Variants in CNTNAP5 observed in about 807,000 individuals in gnomAD.
CNTNAP5 encodes the protein contactin associated protein family member 5.
In CNTNAP5, 72 loss-of-function variants were observed where a neutral mutation model predicts 150.2. The ratio of observed to expected loss-of-function variants is 0.48; its 90% CI spans 0.40 to 0.58. The LOEUF (loss-of-function observed/expected upper bound fraction) is 0.58, where lower values mean the gene tolerates loss of function less well. Ranked by LOEUF, CNTNAP5 falls within the 20% of genes least tolerant of loss-of-function variation. The probability of loss-of-function intolerance (pLI) is 0.00; values close to 1 mark genes in which losing one functional copy is unlikely to be tolerated. For synonymous variants in CNTNAP5, 672 were observed against 619.8 expected, an observed-to-expected ratio of 1.08 and a Z score of -1.25; for missense variants, 1,636 against 1,626.2, an observed-to-expected ratio of 1.01 and a Z score of -0.10.
chr2:124,536,480 A>T (rs1695233761), intron 10 of CNTNAP5, among the ~76,000 whole-genome samples: 1 of 152,030 alleles, frequency 6.6e-6, no homozygotes, highest in Admixed American at 6.6e-5. Flanking sequence ...ACTAGGATGC[A>T]CACTCAAATT....
chr2:124,053,170 G>A (rs191219049), intron 1 of CNTNAP5, among the ~76,000 whole-genome samples: 47 of 152,228 alleles, frequency 3.1e-4, no homozygotes, highest in East Asian at 7.7e-4. Context: ...TCCTGGCTGC[G>A]TTGAGAGGCA....
chr2:124,685,729 A>C (rs1271837263), intron 13 of CNTNAP5, among the ~76,000 whole-genome samples: 1 of 145,546 alleles, frequency 6.9e-6, no homozygotes, highest in African/African-American at 2.6e-5. Flanking sequence ...GACACCCAAT[A>C]TCTAAAGTAA....
intron 1 of CNTNAP5, among the ~76,000 whole-genome samples, chr2:124,181,610 C>T (rs1390003384): frequency 1.3e-5 from 2 of 152,128 alleles, no homozygotes; most frequent in African/African-American, 4.8e-5. Flanking sequence ...TTGTTCTGCA[C>T]TAACTGAGAA....
intron 1 of CNTNAP5, among the ~76,000 whole-genome samples, chr2:124,174,322 G>A (rs1024477703): frequency 6.6e-6 from 1 of 152,156 alleles, no homozygotes; most frequent in Admixed American, 6.6e-5. Context: ...ATAGCTGCCA[G>A]TTAGTGGTTC....
Position 124,641,151 on chromosome 2 carries a change from C to CA in CNTNAP5, c.1877-6599dup, listed in dbSNP as rs1336002439. 3.0e-3 allele frequency among the ~76,000 whole-genome samples: 379 copies of CA among 126,544 alleles called. 2 individuals are homozygous for CA. The highest frequency in any genetic ancestry group is 9.6e-3 in the African/African-American group (329 of 34,320). 83.0% of individuals were successfully genotyped at this position (126,544 alleles called of 152,430 possible). On this transcript the variant is annotated intron_variant, in intron 12 of 23. Coordinates refer to ENST00000682447, the MANE Select transcript of CNTNAP5 (RefSeq NM_001367498.1). ...CAAAAAAAAAAAAAAAAAAAAAAGACAAAAAAAAGGACGGAGGAGCACCAC... is the reference window on the plus strand; with the variant it reads ...CAAAAAAAAAAAAAAAAAAAAAAGACAAAAAAAAAGGACGGAGGAGCACCAC...
intron 1 of CNTNAP5, among the ~76,000 whole-genome samples, chr2:124,074,625 T>C (rs1682392943): frequency 6.6e-6 from 1 of 152,064 alleles, no homozygotes; most frequent in Non-Finnish European, 1.5e-5. Flanking sequence ...CCCTTTGGCA[T>C]TTATCAGTGT....
At chr2:124,496,774 C>T (rs1375039108) in intron 7 of CNTNAP5, among the ~76,000 whole-genome samples, 2 of 152,196 alleles carry the variant, frequency 1.3e-5, no homozygotes, top group Admixed American at 6.5e-5. Context: ...CTCACTGTCC[C>T]TACGGTAGAG....
intron 1 of CNTNAP5, among the ~76,000 whole-genome samples, chr2:124,215,632 T>C (rs577610443): frequency 1.3e-5 from 2 of 151,812 alleles, no homozygotes; most frequent in African/African-American, 4.8e-5. Flanking sequence ...CTTTTGCCTT[T>C]TTTCTGTTTG....
In CNTNAP5 at chr2:124,798,212, T is replaced by C. The variant is rs767984136; in HGVS notation, c.3109T>C (p.Ser1037Pro). The C allele has an allele frequency of 3.2e-5, 51 of 1,613,770 alleles. No homozygotes were observed. Among genetic ancestry groups the C allele is most frequent in the Middle Eastern group, 1.6e-4 (1 of 6,084 alleles). The change falls in exon 19 of 24, where the codon TCC (serine) becomes CCC (proline). Residue 1037 changes from serine to proline, a missense_variant. Transcript: ENST00000682447. The stretch of plus-strand genomic sequence containing the variant: ...AGCTATTTACACAGATTCAGCTCCA[T>C]CCAAGGAAAACATTGCACTTAGCTT... ...SSAIYTDSAPSKENIALSFVT... is the reference protein window; with the variant it reads ...SSAIYTDSAPPKENIALSFVT...
chr2:124,066,536 T>C (rs1573729324), intron 1 of CNTNAP5, among the ~76,000 whole-genome samples: 1 of 152,222 alleles, frequency 6.6e-6, no homozygotes, highest in East Asian at 1.9e-4. Context: ...AGATATCTAT[T>C]ATTGTGCTTG....
At chr2:124,808,404 A>G (rs1301161701) in intron 19 of CNTNAP5, among the ~76,000 whole-genome samples, 1 of 152,060 alleles carries the variant, frequency 6.6e-6, no homozygotes, top group Non-Finnish European at 1.5e-5. Flanking sequence ...CCTGGCCAAC[A>G]TGGTGAAACT....
intron 3 of CNTNAP5, among the ~76,000 whole-genome samples, chr2:124,359,440 T>C (rs1015986573): frequency 1.3e-5 from 2 of 152,024 alleles, no homozygotes; most frequent in Non-Finnish European, 2.9e-5. Context: ...TTGTGGGCAT[T>C]TAGTGCTATA....
intron 1 of CNTNAP5, among the ~76,000 whole-genome samples, chr2:124,053,492 G>A (rs1034243078): frequency 6.6e-6 from 1 of 152,162 alleles, no homozygotes; most frequent in African/African-American, 2.4e-5. Flanking sequence ...CCATCTGGGG[G>A]CAGAATACCT....
intron 7 of CNTNAP5, among the ~76,000 whole-genome samples, chr2:124,497,413 A>G (rs1694175738): frequency 6.6e-6 from 1 of 152,236 alleles, no homozygotes; most frequent in East Asian, 1.9e-4. Context: ...CAAGTAATTC[A>G]GTAAAAGTCT....
intron 19 of CNTNAP5, among the ~76,000 whole-genome samples, chr2:124,802,247 G>C (rs1331186556): frequency 6.6e-6 from 1 of 152,060 alleles, no homozygotes; most frequent in Non-Finnish European, 1.5e-5. Flanking sequence ...ATAGTTGAAC[G>C]GGCCAGAGGA....
At chr2:124,093,917 A>G (rs1242590870) in intron 1 of CNTNAP5, among the ~76,000 whole-genome samples, 2 of 152,250 alleles carry the variant, frequency 1.3e-5, no homozygotes, top group Non-Finnish European at 2.9e-5. Context: ...CTACTAAATT[A>G]TGAGAAAACA....
chr2:124,598,886 G>A (rs6759759), intron 11 of CNTNAP5, among the ~76,000 whole-genome samples: 57,031 of 151,414 alleles, frequency 0.38, 12,157 homozygotes, highest in Non-Finnish European at 0.49. Context: ...CGCAATATTC[G>A]GGTGGGAGTG....
At chr2:124,444,960 G>T (rs1238155563) in intron 5 of CNTNAP5, among the ~76,000 whole-genome samples, 2 of 152,008 alleles carry the variant, frequency 1.3e-5, no homozygotes, top group Non-Finnish European at 2.9e-5. Flanking sequence ...AGATTTATTT[G>T]ATGAGCATCT....
At position 124,361,634 on chromosome 2, in the gene CNTNAP5, C is replaced by T. The variant is rs900803182; in HGVS notation, c.382-55809C>T. Among the ~76,000 whole-genome samples, 12 of 138,834 alleles carry T rather than the reference C, an allele frequency of 8.6e-5. 1 individual carries two copies. Among genetic ancestry groups the T allele is most frequent in the African/African-American group, 3.3e-4 (12 of 36,538 alleles). 91.1% of individuals were successfully genotyped at this position (138,834 alleles called of 152,430 possible). A position where few individuals can be genotyped will look rare whatever the true frequency, so the allele number is the denominator to read the frequency against. Reference sequence around the variant, plus strand: ...GTTAGGCTGCTCGGGGGTCAGGGGTCAGGGACCCACTTGAGGAGGCAGTCT... The same window carrying T: ...GTTAGGCTGCTCGGGGGTCAGGGGTTAGGGACCCACTTGAGGAGGCAGTCT... On this transcript the variant is annotated intron_variant, in intron 3 of 23. Coordinates refer to ENST00000682447, the MANE Select transcript of CNTNAP5 (RefSeq NM_001367498.1).
Sources: allele counts gnomAD v4.1 joint callset (sites outside exome capture counted in the v4.1 genomes callset), GRCh38; gene constraint gnomAD v4.1.1; transcripts MANE v1.5; gene names NCBI Gene and HGNC (gene_info 2026-07-23, HGNC 2026-07-21).